MYT1L: variants seen among roughly 807,000 people sequenced by gnomAD.
MYT1L encodes myelin transcription factor 1 like.
Under a neutral mutation model 126.7 loss-of-function variants are expected in MYT1L, and 12 were observed. That is an observed-to-expected ratio of 0.09 (90% CI 0.06 to 0.15). The LOEUF (loss-of-function observed/expected upper bound fraction) is 0.15. Among genes scored for constraint, MYT1L ranks in the 10% least tolerant of loss-of-function variants. The pLI is 1.00. For missense variants in MYT1L, 979 were observed against 1,585.2 expected, an observed-to-expected ratio of 0.62 and a Z score of 6.49; for synonymous variants, 541 against 604.2, an observed-to-expected ratio of 0.90 and a Z score of 1.53.
chr2:2,211,812 A>AG, intron 2 of MYT1L, among the ~76,000 whole-genome samples: 1 of 149,078 alleles, frequency 6.7e-6, no homozygotes, highest in Non-Finnish European at 1.5e-5. Flanking sequence ...TCAAAAAAAA[A>AG]AAAAAAAAAC....
chr2:2,017,531 G>C (rs376015659), intron 4 of MYT1L, among the ~76,000 whole-genome samples: 5 of 152,176 alleles, frequency 3.3e-5, no homozygotes, highest in African/African-American at 1.2e-4. Context: ...TGGTGTCTGG[G>C]TGAATTACAT....
At chr2:1,845,659 G>A (rs1405302957) in intron 19 of MYT1L, among the ~76,000 whole-genome samples, 2 of 152,128 alleles carry the variant, frequency 1.3e-5, no homozygotes, top group African/African-American at 2.4e-5. Flanking sequence ...GACACCTGCC[G>A]TCTCTCAGCA....
chr2:2,076,503 A>T (rs957599004), intron 3 of MYT1L, among the ~76,000 whole-genome samples: 1 of 152,190 alleles, frequency 6.6e-6, no homozygotes, highest in Admixed American at 6.5e-5. Flanking sequence ...GGCCTTAAAA[A>T]CTAACCAATA....
chr2:1,869,668 G>A (rs541727281), intron 18 of MYT1L, among the ~76,000 whole-genome samples: 74 of 152,262 alleles, frequency 4.9e-4, no homozygotes, highest in African/African-American at 1.3e-3. Context: ...GATTACCTAC[G>A]GTTTGCCAGA....
At chr2:2,162,337 T>C (rs1042495055) in intron 3 of MYT1L, among the ~76,000 whole-genome samples, 1 of 150,990 alleles carries the variant, frequency 6.6e-6, no homozygotes, top group Admixed American at 6.6e-5. Flanking sequence ...AGGTGGTGTC[T>C]AGGGTCCACA....
At chr2:1,978,668 G>A (rs775148832) in intron 8 of MYT1L, among the ~76,000 whole-genome samples, 16 of 152,080 alleles carry the variant, frequency 1.1e-4, no homozygotes, top group Non-Finnish European at 2.1e-4. Context: ...ACCTTCACTT[G>A]ACCTGACCTC....
intron 3 of MYT1L, among the ~76,000 whole-genome samples, chr2:2,085,931 C>T (rs1297010039): frequency 6.6e-6 from 1 of 152,206 alleles, no homozygotes; most frequent in Non-Finnish European, 1.5e-5. Context: ...TCTCCCAGCC[C>T]CTCCATAGGT....
intron 2 of MYT1L, among the ~76,000 whole-genome samples, chr2:2,201,463 A>G (rs1358483266): frequency 6.6e-6 from 1 of 152,040 alleles, no homozygotes; most frequent in Non-Finnish European, 1.5e-5. Flanking sequence ...ACTTTGGGAG[A>G]CCAAGGCAGG....
In MYT1L at chr2:1,989,056, T is replaced by A. The variant is rs535149788; in HGVS notation, c.-1+8135A>T. On this transcript the variant is annotated intron_variant, in intron 5 of 24. Transcript: ENST00000647738. ...AGCCTTTCATGTCCCTGAACTAGTA[T>A]GCTGGTACTTTGGCCCCAGAGTACA... Among the ~76,000 whole-genome samples the A allele has an allele frequency of 4.6e-5, 7 of 152,278 alleles. 1 individual carries two copies. In the South Asian group the frequency reaches 8.3e-4, roughly 18 times the overall value.
chr2:1,957,519 ATCTT>A (rs1005610970), intron 8 of MYT1L, among the ~76,000 whole-genome samples: 2 of 151,756 alleles, frequency 1.3e-5, no homozygotes, highest in African/African-American at 2.4e-5. Context: ...TACCTCTGTC[ATCTT>A]TCTATCAATC....
chr2:1,979,862 C>A lies in MYT1L; in HGVS notation c.1-85G>T. 1 of 1,361,716 alleles carries A rather than the reference C, an allele frequency of 7.3e-7. No individual in the cohort carries two copies. Among genetic ancestry groups the A allele is most frequent in the Non-Finnish European group, 1.0e-6 (1 of 962,104 alleles). The allele number at this position is 1,361,716 out of a possible 1,614,324, so 84.4% of individuals were successfully genotyped here. A position where few individuals can be genotyped will look rare whatever the true frequency, so the allele number is the denominator to read the frequency against. ...GGGGCGGCTCACTCTCCCTGGCATT[C>A]TATTAATGGGGCTTTAATCCTGTTT... is the stretch of plus-strand genomic sequence containing the variant. On this transcript the variant is annotated intron_variant, in intron 5 of 24. Transcript: ENST00000647738. The surrounding 1 kb of genome is among the most constrained non-coding windows in gnomAD (Gnocchi z 4.0).
chr2:1,903,148 G>A lies in MYT1L; in HGVS notation c.1964C>T (p.Thr655Ile). 1 of 1,614,036 alleles carries A rather than the reference G, an allele frequency of 6.2e-7. No homozygotes were observed. Among genetic ancestry groups the A allele is most frequent in the South Asian group, 1.1e-5 (1 of 91,088 alleles). ...SFEYNSYDNH[T>I]YGKRAIAPKV... ...GGGAGCTATGGCTCGCTTGCCATAA[G>A]TATGGTTGTCGTAACTGTTGTATTC... is the stretch of plus-strand genomic sequence containing the variant. Residue 655 changes from threonine to isoleucine, a missense_variant, in exon 14 of 25, where the codon ACT becomes ATT. Coordinates refer to ENST00000647738, the MANE Select transcript of MYT1L (RefSeq NM_001303052.2).
intron 8 of MYT1L, among the ~76,000 whole-genome samples, chr2:1,960,478 T>C (rs1391528630): frequency 6.6e-6 from 1 of 152,238 alleles, no homozygotes. Flanking sequence ...GTCCAAGCCA[T>C]TTATTAAATT....
At chr2:2,141,992 G>A (rs2084052918) in intron 3 of MYT1L, among the ~76,000 whole-genome samples, 1 of 152,168 alleles carries the variant, frequency 6.6e-6, no homozygotes, top group Admixed American at 6.5e-5. Context: ...TCCCACACGG[G>A]AAAGCTTAAT....
At chr2:2,013,677 GCCA>G (rs1347533519) in intron 4 of MYT1L, among the ~76,000 whole-genome samples, 1 of 152,246 alleles carries the variant, frequency 6.6e-6, no homozygotes, top group Non-Finnish European at 1.5e-5. Context: ...GAGGCATGCT[GCCA>G]CCAACTCCAT....
chr2:2,011,107 G>A (rs976271775), intron 4 of MYT1L, among the ~76,000 whole-genome samples: 1 of 152,216 alleles, frequency 6.6e-6, no homozygotes, highest in Non-Finnish European at 1.5e-5. Context: ...ACTAAAAGTA[G>A]GCTGGGCATG....
chr2:1,979,539 G>T lies in MYT1L; in HGVS notation c.71C>A (p.Ala24Asp), dbSNP rs754799908. 2 of 1,613,752 alleles carry T rather than the reference G, an allele frequency of 1.2e-6. No homozygotes were observed. Among genetic ancestry groups the T allele is most frequent in the African/African-American group, 1.3e-5 (1 of 75,048 alleles). ...SKGVRVPVEP[A>D]IQELFSCPTP... ...CACTAACCTGAACAGCTCTTGTATG[G>T]CTGGTTCCACGGGAACTGCAGAGAG... Residue 24 changes from alanine (A) to aspartate (D), a missense_variant, in exon 7 of 25, where the codon GCC becomes GAC. Ala to Asp is a moderately radical substitution (Grantham distance 126). Coordinates refer to ENST00000647738, the MANE Select transcript of MYT1L (RefSeq NM_001303052.2). This position sits in a 1 kb window ranked among gnomAD's most constrained non-coding sequence, Gnocchi z 4.0.
At chr2:2,132,910 G>A (rs192926136) in intron 3 of MYT1L, among the ~76,000 whole-genome samples, 66 of 152,272 alleles carry the variant, frequency 4.3e-4, no homozygotes, top group Admixed American at 1.3e-3. Context: ...TGGTAAGTCA[G>A]CCTTAAAAGC....
At chr2:2,152,138 C>T (rs2085899050) in intron 3 of MYT1L, among the ~76,000 whole-genome samples, 1 of 152,136 alleles carries the variant, frequency 6.6e-6, no homozygotes, top group Non-Finnish European at 1.5e-5. Flanking sequence ...TGCTTCGGGG[C>T]CATTATAAAG....
Sources: allele counts gnomAD v4.1 joint callset (sites outside exome capture counted in the v4.1 genomes callset), GRCh38; gene constraint gnomAD v4.1.1; non-coding constraint Gnocchi (gnomAD v3.1); transcripts MANE v1.5; gene names NCBI Gene and HGNC (gene_info 2026-07-23, HGNC 2026-07-21).